STK32B: variants seen among roughly 807,000 people sequenced by gnomAD.
STK32B encodes the protein serine/threonine-protein kinase 32B.
Under a neutral mutation model 52.6 loss-of-function variants are expected in STK32B, and 43 were observed. The observed-to-expected ratio is 0.82, with a 90% confidence interval of 0.64 to 1.05. The LOEUF is 1.05. Ranked by LOEUF, STK32B falls within the 50% of genes least tolerant of loss-of-function variation. STK32B has a pLI of 0.00. For synonymous variants in STK32B, 238 were observed against 204.3 expected (o/e 1.17, Z -1.41); for missense variants, 621 against 534.6 (o/e 1.16, Z -1.59).
chr4:5,110,458 C>A (rs1354645711), intron 1 of STK32B, among the ~76,000 whole-genome samples: 1 of 151,922 alleles, frequency 6.6e-6, no homozygotes, highest in Non-Finnish European at 1.5e-5. Flanking sequence ...AAGCCACATA[C>A]CTGCAACCAA....
chr4:5,241,362 GTAAATTGCA>G (rs1399962044), intron 3 of STK32B, among the ~76,000 whole-genome samples: 1 of 152,028 alleles, frequency 6.6e-6, no homozygotes, highest in Non-Finnish European at 1.5e-5. Context: ...AAAAACTTAT[GTAAATTGCA>G]TAATAATTTT....
intron 3 of STK32B, among the ~76,000 whole-genome samples, chr4:5,265,780 A>C (rs1426106174): frequency 1.3e-5 from 2 of 152,048 alleles, no homozygotes; most frequent in East Asian, 3.9e-4. Context: ...AGTTGTTGTA[A>C]ACTTTACATT....
intron 11 of STK32B, among the ~76,000 whole-genome samples, chr4:5,489,192 G>A (rs963480260): frequency 6.6e-6 from 1 of 152,058 alleles, no homozygotes; most frequent in East Asian, 1.9e-4. Context: ...ATAGACATTT[G>A]TCCAATTTAC....
At chr4:5,255,278 G>C (rs1208751439) in intron 3 of STK32B, among the ~76,000 whole-genome samples, 1 of 152,096 alleles carries the variant, frequency 6.6e-6, no homozygotes, top group Non-Finnish European at 1.5e-5. Flanking sequence ...GTATTAAGTT[G>C]TCATTGTATG....
chr4:5,188,531 G>C (rs928815323), intron 3 of STK32B, among the ~76,000 whole-genome samples: 1 of 152,032 alleles, frequency 6.6e-6, no homozygotes, highest in Non-Finnish European at 1.5e-5. Flanking sequence ...AATCTGCAAG[G>C]CATACCCCTT....
chr4:5,187,412 A>G (rs1244228871), intron 3 of STK32B, among the ~76,000 whole-genome samples: 3 of 152,206 alleles, frequency 2.0e-5, no homozygotes, highest in Non-Finnish European at 4.4e-5. Flanking sequence ...TTTTATCTGG[A>G]TTAATCCTCA....
chr4:5,488,289 C>G (rs1041328073), intron 11 of STK32B, among the ~76,000 whole-genome samples: 1 of 152,114 alleles, frequency 6.6e-6, no homozygotes, highest in Non-Finnish European at 1.5e-5. Flanking sequence ...CAGAGTGAGA[C>G]TCCGTCTGAA....
intron 2 of STK32B, among the ~76,000 whole-genome samples, chr4:5,150,382 G>A (rs546707797): frequency 3.3e-5 from 5 of 152,220 alleles, no homozygotes; most frequent in African/African-American, 1.2e-4. Flanking sequence ...CTGTTCTGTT[G>A]AGGATGGGTC....
intron 11 of STK32B, among the ~76,000 whole-genome samples, chr4:5,495,911 G>T (rs551804355): frequency 6.6e-6 from 1 of 152,308 alleles, no homozygotes; most frequent in Non-Finnish European, 1.5e-5. Flanking sequence ...AACTGCGAAT[G>T]CTGCTCTCTG....
intron 5 of STK32B, among the ~76,000 whole-genome samples, chr4:5,411,901 G>C (rs1711720684): frequency 6.6e-6 from 1 of 152,194 alleles, no homozygotes; most frequent in African/African-American, 2.4e-5. Flanking sequence ...ACCACTCTCT[G>C]TGGTAGTGCA....
In STK32B at chr4:5,058,108, A is replaced by G. The variant is rs928095020; in HGVS notation, c.52+6193A>G. On this transcript the variant is annotated intron_variant, in intron 1 of 11. Coordinates refer to ENST00000282908, the MANE Select transcript of STK32B (RefSeq NM_018401.3). This position sits in a 1 kb window ranked among gnomAD's most constrained non-coding sequence, Gnocchi z 4.8. ...TGACCTCCTTGGAGTACCCTTATGCATTGAAGATTTTGGCCTCTGCTTCAT... is the reference window on the plus strand; with the variant it reads ...TGACCTCCTTGGAGTACCCTTATGCGTTGAAGATTTTGGCCTCTGCTTCAT... Among the ~76,000 whole-genome samples the G allele has an allele frequency of 1.3e-5, 2 of 152,118 alleles. No homozygotes were observed. Among genetic ancestry groups the G allele is most frequent in the African/African-American group, 2.4e-5 (1 of 41,410 alleles).
chr4:5,397,079 T>G (rs1041588839), intron 4 of STK32B, among the ~76,000 whole-genome samples: 1 of 152,238 alleles, frequency 6.6e-6, no homozygotes, highest in Non-Finnish European at 1.5e-5. Context: ...AACCCGTAGA[T>G]ATTGCATTGC....
In STK32B at chr4:5,460,272, G is replaced by T. The variant is rs760471387; in HGVS notation, c.909+44G>T. 2.5e-5 allele frequency: 39 copies of T among 1,573,402 alleles called. No homozygotes were observed. The East Asian group carries it at 8.6e-4, about 35-fold the overall frequency. ...TGATGTCATGCCACCCCTCTGCAGG[G>T]TCCCCGCCTTGGTGCAAAGCAAGAC... On this transcript the variant is annotated intron_variant, in intron 9 of 11. Transcript: ENST00000282908. This position sits in a 1 kb window ranked among gnomAD's most constrained non-coding sequence, Gnocchi z 4.8.
chr4:5,023,249 C>T, the STK32B span, among the ~76,000 whole-genome samples: 9 of 152,066 alleles, frequency 5.9e-5, no homozygotes, highest in Non-Finnish European at 8.8e-5. Context: ...TGGAGTCCCT[C>T]GGTTTGTGGT....
rs138889954 is a variant in STK32B at position 5,384,114 on chromosome 4, A to T, written c.435-14093A>T. Among the ~76,000 whole-genome samples the T allele has an allele frequency of 2.4e-4, 37 of 152,346 alleles. 1 individual carries two copies. In the East Asian group the frequency reaches 5.6e-3, roughly 23 times the overall value. The stretch of plus-strand genomic sequence containing the variant: ...GGGACAATGCTTGGCTCAGCAGACC[A>T]GTGCAGCCAGACGAAGTGAGTGGAA... On this transcript the variant is annotated intron_variant, in intron 4 of 11. Transcript: ENST00000282908.
intron 4 of STK32B, among the ~76,000 whole-genome samples, chr4:5,365,919 G>A (rs1017466597): frequency 6.6e-5 from 10 of 152,186 alleles, no homozygotes; most frequent in Non-Finnish European, 1.5e-5. Context: ...ACTTGATTTA[G>A]AGATTGTGAC....
chr4:5,381,688 T>G (rs2109024125), intron 4 of STK32B, among the ~76,000 whole-genome samples: 1 of 152,364 alleles, frequency 6.6e-6, no homozygotes, highest in Non-Finnish European at 1.5e-5. Context: ...TTTCTTTTTC[T>G]GAAAGTGGCT....
chr4:5,368,488 T>A (rs1416295710), intron 4 of STK32B, among the ~76,000 whole-genome samples: 1 of 152,154 alleles, frequency 6.6e-6, no homozygotes, highest in Admixed American at 6.5e-5. Flanking sequence ...GGCTTTGCTT[T>A]CAGTAACTCA....
At chr4:5,405,486 G>T (rs1053328243) in intron 5 of STK32B, among the ~76,000 whole-genome samples, 1 of 152,156 alleles carries the variant, frequency 6.6e-6, no homozygotes, top group Non-Finnish European at 1.5e-5. Context: ...GTGTTAGGAG[G>T]TGCGGCTGTG....
Sources: gnomAD v4.1 joint callset for allele counts (sites outside exome capture counted in the v4.1 genomes callset) on GRCh38, gnomAD v4.1.1 for gene constraint, Gnocchi (gnomAD v3.1) non-coding constraint, MANE v1.5 for transcripts, NCBI Gene and HGNC (gene_info 2026-07-23, HGNC 2026-07-21) for gene names.